Variants in GRM1 observed in about 807,000 individuals in gnomAD.
GRM1 encodes the protein metabotropic glutamate receptor 1.
Under a neutral mutation model 90.9 loss-of-function variants are expected in GRM1, and 33 were observed. That is an observed-to-expected ratio of 0.36 (90% CI 0.28 to 0.49). The LOEUF (loss-of-function observed/expected upper bound fraction) is 0.49. Ranked by LOEUF, GRM1 falls within the 20% of genes least tolerant of loss-of-function variation. The probability of loss-of-function intolerance (pLI) is 0.99; values close to 1 mark genes in which losing one functional copy is unlikely to be tolerated. For synonymous variants in GRM1, 700 were observed against 613.2 expected (o/e 1.14, Z -2.09); for missense variants, 1,190 against 1,534.3 (o/e 0.78, Z 3.75).
At chr6:146,262,888 G>A (rs143778155) in intron 2 of GRM1, among the ~76,000 whole-genome samples, 1,738 of 151,488 alleles carry the variant, frequency 0.011, 13 homozygotes, top group Non-Finnish European at 0.018. Flanking sequence ...ATAAACAAAG[G>A]CAAATTAAAT....
At chr6:146,101,037 G>T in intron 1 of GRM1, among the ~76,000 whole-genome samples, 1 of 152,150 alleles carries the variant, frequency 6.6e-6, no homozygotes, top group East Asian at 1.9e-4. Context: ...AGGCTGTAGA[G>T]AGCTATGATT....
chr6:146,216,567 T>G (rs6570743), intron 2 of GRM1, among the ~76,000 whole-genome samples: 33,468 of 152,106 alleles, frequency 0.22, 7,592 homozygotes, highest in African/African-American at 0.58. Context: ...TATCATTCGG[T>G]TGACTGGTTC....
intron 5 of GRM1, among the ~76,000 whole-genome samples, chr6:146,377,361 T>A (rs561765892): frequency 6.6e-6 from 1 of 152,130 alleles, no homozygotes; most frequent in South Asian, 2.1e-4. Flanking sequence ...ATATGGACAA[T>A]AAGGTCCAGG....
At chr6:146,309,706 TA>T (rs1005230630) in intron 3 of GRM1, among the ~76,000 whole-genome samples, 29 of 147,816 alleles carry the variant, frequency 2.0e-4, no homozygotes, top group South Asian at 2.2e-4. Context: ...CCTTCTTACA[TA>T]AAAAAAAAAG....
At chr6:146,357,748 A>G in intron 5 of GRM1, 54 bp downstream of exon 5, 2 of 1,354,944 alleles carry the variant, frequency 1.5e-6, no homozygotes, top group South Asian at 1.2e-5. Context: ...GGCTGCCTGG[A>G]CATTAGTAAA....
At chr6:146,068,831 A>G (rs1775938225) in intron 1 of GRM1, among the ~76,000 whole-genome samples, 1 of 152,236 alleles carries the variant, frequency 6.6e-6, no homozygotes, top group Non-Finnish European at 1.5e-5. Flanking sequence ...TTTACGTAAT[A>G]GCACCTCCTC....
At position 146,428,556 on chromosome 6, in the gene GRM1, ATC is replaced by A. The variant is rs1357460055; in HGVS notation, c.2661-5312_2661-5311del. ...CCAGGTAGAGCTGAGGAGCATAAAAATCTCTTACTATTAAGAGATTGTTTCTG... is the reference window on the plus strand; with the variant it reads ...CCAGGTAGAGCTGAGGAGCATAAAAATCTTACTATTAAGAGATTGTTTCTG... On this transcript the variant is annotated intron_variant, in intron 7 of 7. Coordinates refer to ENST00000282753, the MANE Select transcript of GRM1 (RefSeq NM_001278064.2). Among the ~76,000 whole-genome samples, 4 of 152,318 alleles carry A rather than the reference ATC, an allele frequency of 2.6e-5. No individual in the cohort carries two copies. In the East Asian group the frequency reaches 7.7e-4, roughly 29 times the overall value.
chr6:146,414,557 C>T (rs951579863), intron 7 of GRM1, among the ~76,000 whole-genome samples: 2 of 152,006 alleles, frequency 1.3e-5, no homozygotes, highest in East Asian at 3.9e-4. Flanking sequence ...CGCCCGCCAC[C>T]ACGCCTGGCT....
chr6:146,182,089 A>G (rs1778570694), intron 2 of GRM1, among the ~76,000 whole-genome samples: 2 of 152,160 alleles, frequency 1.3e-5, no homozygotes, highest in Non-Finnish European at 2.9e-5. Context: ...AAAGTAAAGG[A>G]AATGGATTGG....
intron 1 of GRM1, among the ~76,000 whole-genome samples, chr6:146,141,742 T>G (rs1408721531): frequency 1.3e-5 from 2 of 152,184 alleles, no homozygotes; most frequent in African/African-American, 2.4e-5. Flanking sequence ...TTTTAATTAT[T>G]TCAATCAGTT....
intron 5 of GRM1, among the ~76,000 whole-genome samples, chr6:146,379,428 T>C (rs1170649660): frequency 6.6e-6 from 1 of 152,180 alleles, no homozygotes; most frequent in Non-Finnish European, 1.5e-5. Flanking sequence ...TGTTTCTTTT[T>C]AATTATTTCA....
At chr6:146,069,503 CTTTTA>C (rs1329553466) in intron 1 of GRM1, among the ~76,000 whole-genome samples, 2 of 152,004 alleles carry the variant, frequency 1.3e-5, no homozygotes, top group Non-Finnish European at 2.9e-5. Flanking sequence ...TTTGAAATGT[CTTTTA>C]TTTTATTTGT....
intron 2 of GRM1, among the ~76,000 whole-genome samples, chr6:146,178,162 A>G (rs926990552): frequency 6.6e-6 from 1 of 151,790 alleles, no homozygotes; most frequent in Non-Finnish European, 1.5e-5. Context: ...GTCTCCTTAG[A>G]CTCCTTTTGG....
chr6:146,310,382 T>C (rs911997507), intron 3 of GRM1, among the ~76,000 whole-genome samples: 1 of 152,234 alleles, frequency 6.6e-6, no homozygotes, highest in African/African-American at 2.4e-5. Context: ...GGTTCCAGTT[T>C]ACTTCAGCCC....
Position 146,396,062 on chromosome 6 carries a change from T to C in GRM1, c.1730-2707T>C, listed in dbSNP as rs1230491078. On this transcript the variant is annotated intron_variant, in intron 6 of 7. Coordinates refer to ENST00000282753, the MANE Select transcript of GRM1 (RefSeq NM_001278064.2). ...TATTTTAAATATCTATTTTCCTACC[T>C]ATCCATCATCTATCTATCTATCTAT... 6.7e-4 allele frequency among the ~76,000 whole-genome samples: 42 copies of C among 62,444 alleles called. No homozygotes were observed. In the Admixed American group the frequency reaches 7.9e-3, roughly 12 times the overall value. 41.0% of individuals were successfully genotyped at this position (62,444 alleles called of 152,430 possible).
intron 1 of GRM1, among the ~76,000 whole-genome samples, chr6:146,118,954 C>T (rs1192128003): frequency 3.3e-5 from 5 of 152,112 alleles, no homozygotes; most frequent in African/African-American, 1.2e-4. Context: ...GGGTATATAC[C>T]CAGTAATGGG....
At chr6:146,046,044 A>T (rs944749390) in intron 1 of GRM1, among the ~76,000 whole-genome samples, 1 of 151,860 alleles carries the variant, frequency 6.6e-6, no homozygotes, top group African/African-American at 2.4e-5. Flanking sequence ...AACCTCCATG[A>T]CTCTGGACAA....
chr6:146,194,231 C>T (rs1013277551), intron 2 of GRM1, among the ~76,000 whole-genome samples: 2 of 152,102 alleles, frequency 1.3e-5, no homozygotes, highest in African/African-American at 4.8e-5. Context: ...CTGCTATCTC[C>T]ATTGAACCAG....
chr6:146,140,131 TTC>T (rs1776808186), intron 1 of GRM1, among the ~76,000 whole-genome samples: 1 of 142,008 alleles, frequency 7.0e-6, no homozygotes, highest in African/African-American at 2.7e-5. Context: ...CTTTCTTTCT[TTC>T]TTTCTTTCCT....
Sources: allele counts gnomAD v4.1 joint callset (sites outside exome capture counted in the v4.1 genomes callset), GRCh38; gene constraint gnomAD v4.1.1; transcripts MANE v1.5; gene names NCBI Gene and HGNC (gene_info 2026-07-23, HGNC 2026-07-21).